DCDC2C: variants seen among roughly 807,000 people sequenced by gnomAD.
The protein encoded by DCDC2C is doublecortin domain-containing protein 2C.
A neutral mutation model predicts 45.0 loss-of-function variants in DCDC2C; 44 were observed. The ratio of observed to expected loss-of-function variants is 0.98; its 90% CI spans 0.77 to 1.26. DCDC2C has a LOEUF of 1.26. Among genes scored for constraint, DCDC2C ranks in the 50% most tolerant of loss-of-function variants. DCDC2C has a pLI of 0.00. For synonymous variants in DCDC2C, 187 were observed against 178.8 expected (o/e 1.05, Z -0.37); for missense variants, 447 against 468.9 (o/e 0.95, Z 0.43).
At chr2:3,719,584 A>G (rs1668437619) in intron 2 of DCDC2C, among the ~76,000 whole-genome samples, 1 of 152,086 alleles carries the variant, frequency 6.6e-6, no homozygotes, top group African/African-American at 2.4e-5. Flanking sequence ...TGGGGCAGCC[A>G]TGTCAGGCAT....
At chr2:3,789,050 C>T (rs1198767959) in intron 10 of DCDC2C, among the ~76,000 whole-genome samples, 2 of 152,006 alleles carry the variant, frequency 1.3e-5, no homozygotes, top group Non-Finnish European at 2.9e-5. Flanking sequence ...AAGGATTTCA[C>T]CATGTTGGCC....
chr2:3,725,111 G>A (rs1389810745), intron 2 of DCDC2C, among the ~76,000 whole-genome samples: 8 of 152,148 alleles, frequency 5.3e-5, no homozygotes, highest in African/African-American at 9.7e-5. Context: ...GGTAGGGCCC[G>A]CACCATGGTG....
chr2:3,830,531 T>C (rs1270443668), intron 10 of DCDC2C, among the ~76,000 whole-genome samples: 2 of 152,210 alleles, frequency 1.3e-5, no homozygotes, highest in African/African-American at 4.8e-5. Context: ...ATGCTCCTTC[T>C]TGGTTCCAGC....
chr2:3,757,643 G>A (rs552865583), intron 6 of DCDC2C, among the ~76,000 whole-genome samples: 3 of 152,274 alleles, frequency 2.0e-5, no homozygotes, highest in East Asian at 3.9e-4. Flanking sequence ...AGCACACTCC[G>A]CTAGCACGAG....
intron 10 of DCDC2C, among the ~76,000 whole-genome samples, chr2:3,795,865 C>T (rs1670937686): frequency 7.5e-6 from 1 of 134,082 alleles, no homozygotes; most frequent in Non-Finnish European, 1.6e-5. Context: ...TTTTTTGGTT[C>T]CATATGAACT....
chr2:3,785,364 G>T (rs993452657), intron 10 of DCDC2C, among the ~76,000 whole-genome samples: 1 of 152,172 alleles, frequency 6.6e-6, no homozygotes, highest in East Asian at 1.9e-4. Flanking sequence ...CTAGGGCAGC[G>T]TGTGGCTGGC....
At chr2:3,804,234 G>A (rs1671180001) in intron 10 of DCDC2C, among the ~76,000 whole-genome samples, 1 of 152,180 alleles carries the variant, frequency 6.6e-6, no homozygotes. Flanking sequence ...TTTGCAGGAA[G>A]TTTAAAACCA....
intron 10 of DCDC2C, among the ~76,000 whole-genome samples, chr2:3,836,496 C>A (rs1319857977): frequency 6.6e-6 from 1 of 152,194 alleles, no homozygotes; most frequent in Non-Finnish European, 1.5e-5. Context: ...TAGTATCACA[C>A]AAATGCTAAT....
chr2:3,788,818 C>CCTCCCTTT (rs1357753845), intron 10 of DCDC2C, among the ~76,000 whole-genome samples: 2 of 145,796 alleles, frequency 1.4e-5, no homozygotes, highest in Non-Finnish European at 3.0e-5. Flanking sequence ...TTCCTCCCTT[C>CCTCCCTTT]CTGCCTTCCC....
At chr2:3,730,715 A>G (rs1196025633) in intron 3 of DCDC2C, among the ~76,000 whole-genome samples, 1 of 152,216 alleles carries the variant, frequency 6.6e-6, no homozygotes, top group Non-Finnish European at 1.5e-5. Context: ...CCTAATCACA[A>G]GAAACACTTG....
At chr2:3,783,938 C>T (rs1022903611) in intron 9 of DCDC2C, among the ~76,000 whole-genome samples, 15 of 152,094 alleles carry the variant, frequency 9.9e-5, no homozygotes, top group African/African-American at 3.1e-4. Context: ...AAAATATTTG[C>T]AATACAAATC....
Position 3,827,517 on chromosome 2 carries a change from G to A in DCDC2C, c.1066-19637G>A, listed in dbSNP as rs144383217. 9.2e-5 allele frequency among the ~76,000 whole-genome samples: 14 copies of A among 152,320 alleles called. No individual in the cohort carries two copies. In the East Asian group the frequency reaches 2.7e-3, roughly 29 times the overall value. On this transcript the variant is annotated intron_variant, in intron 10 of 10. Coordinates refer to ENST00000399143, the MANE Select transcript of DCDC2C (RefSeq NM_001287444.2). ...TTACTTGGGACCCATCATACATTAT[G>A]CTAATTGGGGTTTCAGCTTCAAAAT...
At chr2:3,738,652 G>A (rs1208758505) in intron 3 of DCDC2C, among the ~76,000 whole-genome samples, 1 of 151,096 alleles carries the variant, frequency 6.6e-6, no homozygotes, top group Non-Finnish European at 1.5e-5. Context: ...TTTCTAGGAT[G>A]GGCCATGCGT....
At chr2:3,822,634 T>A (rs1362575303) in intron 10 of DCDC2C, among the ~76,000 whole-genome samples, 2 of 152,082 alleles carry the variant, frequency 1.3e-5, no homozygotes. Context: ...TCCACTCTAA[T>A]CTTTATTATT....
At chr2:3,723,913 A>G (rs1183678843) in intron 2 of DCDC2C, among the ~76,000 whole-genome samples, 1 of 152,136 alleles carries the variant, frequency 6.6e-6, no homozygotes. Context: ...TTGAGCCATA[A>G]CAAGATAGAG....
intron 10 of DCDC2C, among the ~76,000 whole-genome samples, chr2:3,843,213 G>GACCCAGAC (rs199814564): frequency 0.022 from 3,416 of 152,306 alleles, 49 homozygotes; most frequent in Non-Finnish European, 0.035. Flanking sequence ...GGGACCCAGG[G>GACCCAGAC]ACCCAGACAG....
chr2:3,749,804 A>G (rs1460745196), intron 4 of DCDC2C, among the ~76,000 whole-genome samples: 3 of 152,164 alleles, frequency 2.0e-5, no homozygotes, highest in East Asian at 3.8e-4. Context: ...CTATAGTTCC[A>G]TCCCTGAATG....
At chr2:3,826,228 C>T (rs1671811969) in intron 10 of DCDC2C, among the ~76,000 whole-genome samples, 2 of 152,142 alleles carry the variant, frequency 1.3e-5, no homozygotes, top group Admixed American at 1.3e-4. Flanking sequence ...CATCCACCAC[C>T]TCCTCCTTGC....
intron 1 of DCDC2C, among the ~76,000 whole-genome samples, chr2:3,708,082 A>C (rs942005941): frequency 1.3e-5 from 2 of 152,164 alleles, no homozygotes; most frequent in Non-Finnish European, 2.9e-5. Context: ...TCCAGTTTGC[A>C]GTTTTGGCAA....
Sources: allele counts gnomAD v4.1 joint callset (sites outside exome capture counted in the v4.1 genomes callset), GRCh38; gene constraint gnomAD v4.1.1; transcripts MANE v1.5; gene names NCBI Gene and HGNC (gene_info 2026-07-23, HGNC 2026-07-21).